Variants in CENPP observed in about 807,000 individuals in gnomAD.
CENPP encodes the protein centromere protein P.
Under a neutral mutation model 35.6 loss-of-function variants are expected in CENPP, and 24 were observed. The observed-to-expected ratio is 0.67, with a 90% CI of 0.49 to 0.95. The LOEUF is 0.95. CENPP is among the 40% of genes least tolerant of loss of function. The pLI is 0.00. For missense variants in CENPP, 332 were observed against 345.3 expected, an observed-to-expected ratio of 0.96 and a Z score of 0.31; for synonymous variants, 120 against 125.5, an observed-to-expected ratio of 0.96 and a Z score of 0.29.
chr9:92,386,410 G>GATGTATTC, intron 5 of CENPP: 1 of 656,788 alleles, frequency 1.5e-6, no homozygotes, highest in Non-Finnish European at 2.7e-6. Context: ...CTTGCATATT[G>GATGTATTC]ATATGAATAC....
intron 5 of CENPP, among the ~76,000 whole-genome samples, chr9:92,596,445 CAAAAAAAAAAAAAAAA>C (rs60383394): frequency 1.4e-5 from 1 of 72,002 alleles, no homozygotes; most frequent in African/African-American, 5.7e-5. Context: ...GACCCTGTGT[CAAAAAAAAAAAAAAAA>C]AAAAAAAAAG....
chr9:92,509,084 A>G (rs1847181586), intron 5 of CENPP, among the ~76,000 whole-genome samples: 1 of 151,650 alleles, frequency 6.6e-6, no homozygotes. Context: ...GCTGTCTAGC[A>G]CAGTCCCGAA....
chr9:92,410,786 C>T (rs1843423806), intron 5 of CENPP, among the ~76,000 whole-genome samples: 1 of 152,112 alleles, frequency 6.6e-6, no homozygotes, highest in African/African-American at 2.4e-5. Context: ...TACTTGATAC[C>T]TCCAACTCAT....
intron 5 of CENPP, among the ~76,000 whole-genome samples, chr9:92,548,224 T>TTTCAA (rs1554685747): frequency 2.6e-5 from 4 of 151,642 alleles, no homozygotes; most frequent in African/African-American, 9.7e-5. Flanking sequence ...TTGTGGGGTC[T>TTTCAA]TTCACTGCTG....
intron 3 of CENPP, among the ~76,000 whole-genome samples, chr9:92,338,305 C>CTG (rs1840995453): frequency 6.6e-6 from 1 of 151,742 alleles, no homozygotes; most frequent in African/African-American, 2.4e-5. Flanking sequence ...GAGTGAGACT[C>CTG]TGTCACACAC....
chr9:92,373,797 G>C (rs548204172), intron 4 of CENPP, among the ~76,000 whole-genome samples: 5 of 152,262 alleles, frequency 3.3e-5, no homozygotes, highest in African/African-American at 9.6e-5. Flanking sequence ...CTGCACTCCA[G>C]CCTGGTGACA....
intron 5 of CENPP, among the ~76,000 whole-genome samples, chr9:92,422,479 G>A (rs1187690667): frequency 3.9e-5 from 6 of 152,182 alleles, no homozygotes; most frequent in Non-Finnish European, 8.8e-5. Flanking sequence ...AAAAGAAGAA[G>A]GCCTTGAATC....
chr9:92,452,561 C>CT (rs898490782), intron 5 of CENPP, among the ~76,000 whole-genome samples: 3 of 151,906 alleles, frequency 2.0e-5, no homozygotes, highest in Non-Finnish European at 4.4e-5. Context: ...TAAAATTCTC[C>CT]TTTTTTGTGG....
chr9:92,611,327 A>AT lies in CENPP; in HGVS notation c.579dup (p.Ala194CysfsTer24). On this transcript the variant is annotated frameshift_variant, in exon 6 of 8. Transcript: ENST00000375587. LOFTEE classifies it high-confidence loss of function. ...CTCCCCATGCAGGAAAAGTACCCAG[A>AT]TGCCGTGTACCTCTCGGAGGGGCCC... The AT allele has an allele frequency of 6.2e-7, 1 of 1,613,538 alleles. No homozygotes were observed. Among genetic ancestry groups the AT allele is most frequent in the Non-Finnish European group, 8.5e-7 (1 of 1,179,912 alleles).
chr9:92,539,551 C>T (rs1849269419), intron 5 of CENPP, among the ~76,000 whole-genome samples: 1 of 152,000 alleles, frequency 6.6e-6, no homozygotes. Flanking sequence ...TAAGTATAGC[C>T]TACTTACTAA....
intron 5 of CENPP, among the ~76,000 whole-genome samples, chr9:92,580,541 G>A (rs1368430801): frequency 1.3e-5 from 2 of 152,330 alleles, no homozygotes; most frequent in East Asian, 3.9e-4. Context: ...GAGAGTGTAT[G>A]TGTCAAGGAA....
chr9:92,510,160 G>A, intron 5 of CENPP: 1 of 1,026,236 alleles, frequency 9.7e-7, no homozygotes, highest in Non-Finnish European at 1.3e-6. Flanking sequence ...GTAATGTCCA[G>A]GCCACACAGC....
chr9:92,363,430 T>A (rs1372875370), intron 4 of CENPP, among the ~76,000 whole-genome samples: 1 of 152,234 alleles, frequency 6.6e-6, no homozygotes, highest in Non-Finnish European at 1.5e-5. Context: ...GCACAAATAC[T>A]TAACATTGTT....
chr9:92,568,176 G>A (rs1850042618), intron 5 of CENPP, among the ~76,000 whole-genome samples: 1 of 151,220 alleles, frequency 6.6e-6, no homozygotes, highest in Non-Finnish European at 1.5e-5. Context: ...ATGTTGGTGT[G>A]CTGTACTCGT....
intron 5 of CENPP, among the ~76,000 whole-genome samples, chr9:92,461,126 T>C (rs778808932): frequency 2.6e-5 from 4 of 152,216 alleles, no homozygotes; most frequent in Non-Finnish European, 4.4e-5. Context: ...TATTTATTGA[T>C]CTGTTTATCT....
chr9:92,462,488 A>AT (rs1389280029), intron 5 of CENPP, among the ~76,000 whole-genome samples: 2 of 152,160 alleles, frequency 1.3e-5, no homozygotes, highest in Non-Finnish European at 2.9e-5. Context: ...TATACAAAGT[A>AT]TTATTTGTCA....
intron 5 of CENPP, among the ~76,000 whole-genome samples, chr9:92,468,549 C>A (rs1845397016): frequency 6.6e-6 from 1 of 152,076 alleles, no homozygotes; most frequent in Non-Finnish European, 1.5e-5. Context: ...GTGTAAGAAC[C>A]CAAGTGCCAA....
intron 5 of CENPP, among the ~76,000 whole-genome samples, chr9:92,590,584 T>C (rs900826127): frequency 5.3e-5 from 8 of 152,236 alleles, no homozygotes; most frequent in Non-Finnish European, 8.8e-5. Context: ...AGTTAGACAG[T>C]TGTTATGCAA....
At chr9:92,413,680 G>A (rs577012533) in intron 5 of CENPP, among the ~76,000 whole-genome samples, 1 of 152,080 alleles carries the variant, frequency 6.6e-6, no homozygotes, top group Non-Finnish European at 1.5e-5. Context: ...TGGCATCATA[G>A]TTGCACATTG....
Sources: gnomAD v4.1 joint callset for allele counts (sites outside exome capture counted in the v4.1 genomes callset) on GRCh38, gnomAD v4.1.1 for gene constraint, MANE v1.5 for transcripts, NCBI Gene and HGNC (gene_info 2026-07-23, HGNC 2026-07-21) for gene names.